TEAD1: variants seen among roughly 807,000 people sequenced by gnomAD.
The protein encoded by TEAD1 is TEA domain transcription factor 1, also known as transcriptional enhancer factor TEF-1.
TEAD1 carries 9 observed loss-of-function variants against 54.9 expected under a neutral mutation model. The ratio of observed to expected loss-of-function variants is 0.16; its 90% confidence interval spans 0.10 to 0.29. The LOEUF (loss-of-function observed/expected upper bound fraction) is 0.29. Ranked by LOEUF, TEAD1 falls within the 10% of genes least tolerant of loss-of-function variation. TEAD1 has a pLI of 1.00. For missense variants in TEAD1, 387 were observed against 535.9 expected (o/e 0.72, Z 2.74); for synonymous variants, 200 against 187.8 (o/e 1.07, Z -0.53).
intron 3 of TEAD1, among the ~76,000 whole-genome samples, chr11:12,825,918 C>G (rs897771713): frequency 6.6e-6 from 1 of 152,180 alleles, no homozygotes; most frequent in African/African-American, 2.4e-5. Context: ...AAAAGCAATT[C>G]AATTCAATAG....
chr11:12,796,197 A>G (rs1945916472), intron 3 of TEAD1, among the ~76,000 whole-genome samples: 1 of 152,136 alleles, frequency 6.6e-6, no homozygotes, highest in Non-Finnish European at 1.5e-5. Flanking sequence ...TACAGATACT[A>G]AGTGTTGGGT....
chr11:12,816,401 G>A (rs1946415573), intron 3 of TEAD1, among the ~76,000 whole-genome samples: 1 of 152,194 alleles, frequency 6.6e-6, no homozygotes, highest in Admixed American at 6.5e-5. Flanking sequence ...TGCCCCAGGA[G>A]CCCCTTTTCT....
At position 12,808,763 on chromosome 11, in the gene TEAD1, A is replaced by G. The variant is rs541576122; in HGVS notation, c.202+44329A>G. Among the ~76,000 whole-genome samples the G allele has an allele frequency of 2.0e-5, 3 of 152,292 alleles. No homozygotes were observed. The East Asian group carries it at 5.8e-4, about 29-fold the overall frequency. On this transcript the variant is annotated intron_variant, in intron 3 of 12. Transcript: ENST00000527636. ...TCTGCCTTTACTCATCACCATAAACATACTTTAAAGTTGTCAGTTATGTTT... is the reference window on the plus strand; with the variant it reads ...TCTGCCTTTACTCATCACCATAAACGTACTTTAAAGTTGTCAGTTATGTTT...
At chr11:12,816,182 C>T (rs764551469) in intron 3 of TEAD1, among the ~76,000 whole-genome samples, 3 of 152,260 alleles carry the variant, frequency 2.0e-5, no homozygotes, top group East Asian at 1.9e-4. Flanking sequence ...TTTATCAATC[C>T]GATACTGTTG....
intron 10 of TEAD1, among the ~76,000 whole-genome samples, chr11:12,923,410 G>A (rs571765982): frequency 7.9e-5 from 12 of 152,232 alleles, no homozygotes; most frequent in African/African-American, 2.4e-4. Flanking sequence ...GTTTGTGCTC[G>A]TGTCCCCCCG....
chr11:12,912,736 C>T (rs1948639841), intron 10 of TEAD1, among the ~76,000 whole-genome samples: 2 of 152,142 alleles, frequency 1.3e-5, no homozygotes, highest in Admixed American at 6.5e-5. Flanking sequence ...TCTATCAAAC[C>T]ACAGATACTT....
chr11:12,863,627 C>T (rs1379837584), intron 4 of TEAD1, among the ~76,000 whole-genome samples: 1 of 152,128 alleles, frequency 6.6e-6, no homozygotes, highest in Non-Finnish European at 1.5e-5. Context: ...CAGTCTGAGT[C>T]GCTGAACTTT....
intron 3 of TEAD1, among the ~76,000 whole-genome samples, chr11:12,808,746 T>C (rs934516261): frequency 1.3e-5 from 2 of 152,210 alleles, no homozygotes; most frequent in Non-Finnish European, 2.9e-5. Context: ...TCTCTGCCTT[T>C]ACTCATCACC....
rs1564937734 is a variant in TEAD1 at position 12,781,975 on chromosome 11, AG to A, written c.202+17542del. ...ACAAAAAAAAAAAAAAAAAAAAGAA[AG>A]AAAAAAAGAAAAAGAAAAAAAAAAT... On this transcript the variant is annotated intron_variant, in intron 3 of 12. Transcript: ENST00000527636. Among the ~76,000 whole-genome samples the A allele has an allele frequency of 2.8e-3, 377 of 132,452 alleles. 22 individuals carry two copies. The highest frequency in any genetic ancestry group is 0.014 in the African/African-American group (348 of 24,328). 86.9% of individuals were successfully genotyped at this position (132,452 alleles called of 152,430 possible).
chr11:12,711,095 G>T (rs1943927237), intron 2 of TEAD1, among the ~76,000 whole-genome samples: 1 of 152,096 alleles, frequency 6.6e-6, no homozygotes, highest in Non-Finnish European at 1.5e-5. Context: ...ACTTTAAATT[G>T]GGAAGAGATA....
At chr11:12,928,894 T>TTC (rs1948955138) in intron 11 of TEAD1, among the ~76,000 whole-genome samples, 2 of 151,798 alleles carry the variant, frequency 1.3e-5, no homozygotes, top group Admixed American at 6.6e-5. Context: ...AATATTCTCT[T>TTC]AGCAGTTTTC....
intron 2 of TEAD1, among the ~76,000 whole-genome samples, chr11:12,700,989 C>T (rs1480488599): frequency 3.3e-5 from 5 of 152,212 alleles, no homozygotes; most frequent in Admixed American, 3.3e-4. Context: ...CTCCTCTGCT[C>T]TAGCACAGTC....
intron 2 of TEAD1, among the ~76,000 whole-genome samples, chr11:12,742,348 G>A (rs1315859071): frequency 6.6e-6 from 1 of 152,120 alleles, no homozygotes; most frequent in Non-Finnish European, 1.5e-5. Context: ...TGAGGATGAA[G>A]TGAAATAATA....
chr11:12,865,021 C>CTGTTTACATTTCTTTG, intron 5 of TEAD1, 121 bp downstream of exon 5: 1 of 1,094,822 alleles, frequency 9.1e-7, no homozygotes, highest in South Asian at 1.3e-5. Flanking sequence ...CATGTGAGAG[C>CTGTTTACATTTCTTTG]TGTTTACATT....
At chr11:12,859,455 G>A (rs1170727935) in intron 3 of TEAD1, among the ~76,000 whole-genome samples, 1 of 152,204 alleles carries the variant, frequency 6.6e-6, no homozygotes, top group Non-Finnish European at 1.5e-5. Flanking sequence ...TGGCTTGTCT[G>A]CAGACATTGT....
At chr11:12,861,946 A>G (rs1468611936) in intron 3 of TEAD1, among the ~76,000 whole-genome samples, 2 of 149,312 alleles carry the variant, frequency 1.3e-5, no homozygotes, top group Admixed American at 1.3e-4. Flanking sequence ...AGATCGTGCC[A>G]TTGCACTCCA....
rs183761548 is a variant in TEAD1, at chr11:12,686,383, T to A, written c.-55+10822T>A. 3.2e-3 allele frequency among the ~76,000 whole-genome samples: 482 copies of A among 152,316 alleles called. 4 individuals are homozygous for A. The highest frequency in any genetic ancestry group is 5.6e-3 in the Non-Finnish European group (382 of 68,022). On this transcript the variant is annotated intron_variant, in intron 2 of 12. Coordinates refer to ENST00000527636, the MANE Select transcript of TEAD1 (RefSeq NM_021961.6). ...AGAGGGGAATTTCAGGAAACAACTT[T>A]CCCTTCAAACCTGTGCTATTTCAAC...
chr11:12,832,312 A>G (rs1039021992), intron 3 of TEAD1, among the ~76,000 whole-genome samples: 1 of 152,278 alleles, frequency 6.6e-6, no homozygotes, highest in Non-Finnish European at 1.5e-5. Context: ...AGTTAATCCA[A>G]GCATTCAACA....
chr11:12,676,849 A>C (rs1943103396), intron 2 of TEAD1, among the ~76,000 whole-genome samples: 1 of 152,150 alleles, frequency 6.6e-6, no homozygotes, highest in Non-Finnish European at 1.5e-5. Context: ...TATTGTTGGT[A>C]TAAAAAATGA....
Sources: gnomAD v4.1 joint callset for allele counts (sites outside exome capture counted in the v4.1 genomes callset) on GRCh38, gnomAD v4.1.1 for gene constraint, MANE v1.5 for transcripts, NCBI Gene and HGNC (gene_info 2026-07-23, HGNC 2026-07-21) for gene names.